PFKP: variants seen among roughly 807,000 people sequenced by gnomAD.
The protein encoded by PFKP is ATP-dependent 6-phosphofructokinase, platelet type.
A neutral mutation model predicts 94.3 loss-of-function variants in PFKP; 101 were observed. The ratio of observed to expected loss-of-function variants is 1.07; its 90% CI spans 0.91 to 1.26. The LOEUF (loss-of-function observed/expected upper bound fraction) is 1.26. Among genes scored for constraint, PFKP ranks in the 50% most tolerant of loss-of-function variants. The probability of loss-of-function intolerance (pLI) is 0.00; values close to 1 mark genes in which losing one functional copy is unlikely to be tolerated. For synonymous variants in PFKP, 573 were observed against 432.6 expected (o/e 1.32, Z -4.03); for missense variants, 1,145 against 1,103.3 (o/e 1.04, Z -0.53).
intron 16 of PFKP, among the ~76,000 whole-genome samples, chr10:3,126,415 C>T (rs760728433): frequency 8.5e-5 from 13 of 152,238 alleles, no homozygotes; most frequent in South Asian, 6.2e-4. Flanking sequence ...CATTAGGGTC[C>T]GGCCATCGCT....
At chr10:3,073,814 T>C (rs1048152662) in intron 1 of PFKP, among the ~76,000 whole-genome samples, 1 of 151,818 alleles carries the variant, frequency 6.6e-6, no homozygotes, top group African/African-American at 2.4e-5. Context: ...TTTATTTCTG[T>C]GTGTGTGTGT....
At chr10:3,083,737 G>T (rs1295102591) in intron 2 of PFKP, among the ~76,000 whole-genome samples, 1 of 152,172 alleles carries the variant, frequency 6.6e-6, no homozygotes, top group Admixed American at 6.5e-5. Flanking sequence ...CCGCCTCCCA[G>T]ATTCAAATGA....
At chr10:3,105,318 C>T in intron 6 of PFKP, 75 bp from the exon 7 acceptor site, 1 of 1,373,132 alleles carries the variant, frequency 7.3e-7, no homozygotes, top group Non-Finnish European at 1.0e-6. Context: ...ACGTCTGTCG[C>T]TGAGCGGGGT....
intron 2 of PFKP, among the ~76,000 whole-genome samples, chr10:3,087,884 G>A (rs1833723235): frequency 6.6e-6 from 1 of 151,812 alleles, no homozygotes; most frequent in African/African-American, 2.4e-5. Context: ...GACTTTGTAT[G>A]AGTGGTGGGT....
At position 3,118,848 on chromosome 10, in the gene PFKP, G is replaced by T; in HGVS notation, c.1509G>T (p.Leu503=). The change falls in exon 15 of 22, where the codon CTG becomes CTT. Residue 503 remains leucine, a synonymous_variant. Transcript: ENST00000381125. ...TQMRTHSINA[L]LIIGGFEAYL... is the part of the protein sequence containing the mutation. ...TGCGCACGCACAGCATCAACGCGCT[G>T]CTGATCATCGGTGGATTCGAGGTAC... 1 of 1,613,294 alleles carries T rather than the reference G, an allele frequency of 6.2e-7. No homozygotes were observed. The highest frequency in any genetic ancestry group is 8.5e-7 in the Non-Finnish European group (1 of 1,179,468).
At chr10:3,125,553 G>C (rs937104597) in intron 16 of PFKP, among the ~76,000 whole-genome samples, 1 of 152,166 alleles carries the variant, frequency 6.6e-6, no homozygotes. Flanking sequence ...CCCACGCTGA[G>C]TAGTGAGGCT....
rs199901245 is a variant in PFKP at position 3,118,829 on chromosome 10, C to A, written c.1490C>A (p.Thr497Lys). The A allele has an allele frequency of 2.2e-5, 35 of 1,613,774 alleles. No homozygotes were observed. The Admixed American group carries it at 5.7e-4, about 26-fold the overall frequency. The change falls in exon 15 of 22, where the codon ACG becomes AAG. Residue 497 changes from threonine to lysine, a missense_variant. Thr to Lys is a moderately conservative substitution (Grantham distance 78). Around this residue, in one of 3 missense-constraint regions of PFKP, gnomAD observed 1,119 missense variants for 1,062.8 expected, o/e 1.05. Coordinates refer to ENST00000381125, the MANE Select transcript of PFKP (RefSeq NM_002627.5). The part of the protein sequence containing the change: ...YLEEIATQMR[T>K]HSINALLIIG... ...GAAGAGATCGCCACACAGATGCGCA[C>A]GCACAGCATCAACGCGCTGCTGATC...
chr10:3,091,103 C>A (rs966001131), intron 2 of PFKP, among the ~76,000 whole-genome samples: 32 of 152,116 alleles, frequency 2.1e-4, no homozygotes, highest in African/African-American at 7.7e-4. Flanking sequence ...CTGGGCCAAG[C>A]CTACGTGTGA....
At chr10:3,089,288 AT>A (rs1311792954) in intron 2 of PFKP, among the ~76,000 whole-genome samples, 1 of 152,164 alleles carries the variant, frequency 6.6e-6, no homozygotes, top group Admixed American at 6.5e-5. Context: ...GCCACAAATG[AT>A]GGGGTTTTCT....
Position 3,096,894 on chromosome 10 carries a change from C to T in PFKP, c.187-2381C>T, listed in dbSNP as rs377621149. ...GAGATCGAGACCATCCTGGCTAACA[C>T]GGTGAAACCCCGTCTCTACTAAAAA... On this transcript the variant is annotated intron_variant, in intron 2 of 21. Coordinates refer to ENST00000381125, the MANE Select transcript of PFKP (RefSeq NM_002627.5). 1.1e-4 allele frequency among the ~76,000 whole-genome samples: 12 copies of T among 107,108 alleles called. 3 individuals are homozygous for T. The highest frequency in any genetic ancestry group is 4.0e-4 in the African/African-American group (11 of 27,514). 70.3% of individuals were successfully genotyped at this position (107,108 alleles called of 152,430 possible).
At chr10:3,074,131 C>T (rs1362506462) in intron 1 of PFKP, among the ~76,000 whole-genome samples, 3 of 152,228 alleles carry the variant, frequency 2.0e-5, no homozygotes, top group South Asian at 4.1e-4. Flanking sequence ...GGAGCCACTG[C>T]ACCCAGCCTT....
At chr10:3,118,709 G>T in intron 14 of PFKP, 73 bp from the exon 15 acceptor site, 1 of 1,031,128 alleles carries the variant, frequency 9.7e-7, no homozygotes, top group Non-Finnish European at 1.5e-6. Flanking sequence ...GCCGGGTGGG[G>T]ACCGGCGTGG....
At chr10:3,076,191 T>G (rs938691466) in intron 1 of PFKP, among the ~76,000 whole-genome samples, 1 of 152,174 alleles carries the variant, frequency 6.6e-6, no homozygotes, top group African/African-American at 2.4e-5. Context: ...CACATCTCCA[T>G]GTGGACGGGA....
chr10:3,105,755 G>A (rs559360920), intron 7 of PFKP, among the ~76,000 whole-genome samples: 55 of 152,274 alleles, frequency 3.6e-4, no homozygotes, highest in African/African-American at 1.2e-3. Context: ...TGCCCCATGC[G>A]TGCCTAACTC....
intron 2 of PFKP, among the ~76,000 whole-genome samples, chr10:3,093,567 C>A (rs1588441385): frequency 6.6e-6 from 1 of 151,992 alleles, no homozygotes; most frequent in Admixed American, 6.6e-5. Flanking sequence ...GCACTCCCTG[C>A]CTATCGTTGG....
chr10:3,113,147 A>G lies in PFKP; in HGVS notation c.1183A>G (p.Lys395Glu), dbSNP rs1481063491. The G allele has an allele frequency of 6.2e-7, 1 of 1,613,288 alleles. No individual in the cohort carries two copies. The highest frequency in any genetic ancestry group is 8.5e-7 in the Non-Finnish European group (1 of 1,179,742). ...RSFAGNLNTY[K>E]RLAIKLPDDQ... ...CTTTGCGGGCAACCTGAACACCTAC[A>G]AGCGACTTGCCATCAAGCTGCCGGA... Residue 395 changes from lysine to glutamate, a missense_variant, in exon 12 of 22, where the codon AAG becomes GAG. By Grantham distance (56) the Lys-to-Glu change is moderately conservative. Around this residue, in one of 3 missense-constraint regions of PFKP, gnomAD observed 1,119 missense variants for 1,062.8 expected, o/e 1.05. Transcript: ENST00000381125.
At chr10:3,068,703 C>G in intron 1 of PFKP, 1 of 985,070 alleles carries the variant, frequency 1.0e-6, no homozygotes, top group Non-Finnish European at 1.2e-6. Context: ...GCGCCGGTGC[C>G]CGGATGATGG....
rs564024062 is a variant in PFKP, at chr10:3,108,893, C to T, written c.963+100C>T. 4.8e-5 allele frequency: 42 copies of T among 870,282 alleles called. 1 individual carries two copies. In the South Asian group the frequency reaches 5.5e-4, roughly 11 times the overall value. 53.9% of individuals were successfully genotyped at this position (870,282 alleles called of 1,614,324 possible). A position where few individuals can be genotyped will look rare whatever the true frequency, so the allele number is the denominator to read the frequency against. ...CGGCCACAGAGGCTGGCAAGGTGCT[C>T]CCCGAGAGATGCCCGCGGCCCGGCC... On this transcript the variant is annotated intron_variant, in intron 9 of 21. Coordinates refer to ENST00000381125, the MANE Select transcript of PFKP (RefSeq NM_002627.5).
At chr10:3,109,263 C>CT in intron 9 of PFKP, 92 bp from the exon 10 acceptor site, 1 of 1,541,794 alleles carries the variant, frequency 6.5e-7, no homozygotes. Context: ...GAGCACCTGA[C>CT]TGAGGTCATT....
Sources: gnomAD v4.1 joint callset for allele counts (sites outside exome capture counted in the v4.1 genomes callset) on GRCh38, gnomAD v4.1.1 for gene constraint, gnomAD v4.1.1 regional missense constraint, MANE v1.5 for transcripts, NCBI Gene and HGNC (gene_info 2026-07-23, HGNC 2026-07-21) for gene names.